CLDN14: variants seen among roughly 807,000 people sequenced by gnomAD.
CLDN14 encodes claudin 14, also known as claudin-14.
CLDN14 carries 2 observed loss-of-function variants against 2.1 expected under a neutral mutation model. That is an observed-to-expected ratio of 0.96 (90% CI 0.39 to 3.01). The LOEUF (loss-of-function observed/expected upper bound fraction) is 3.01. Among genes scored for constraint, CLDN14 ranks in the 30% most tolerant of loss-of-function variants. The pLI, the probability that CLDN14 is intolerant of heterozygous loss-of-function variation, is 0.09. For synonymous variants in CLDN14, 136 were observed against 154.4 expected, an observed-to-expected ratio of 0.88 and a Z score of 0.88; for missense variants, 298 against 328.0, an observed-to-expected ratio of 0.91 and a Z score of 0.71.
At chr21:36,565,688 G>A (rs999446032) in intron 1 of CLDN14, among the ~76,000 whole-genome samples, 3 of 152,164 alleles carry the variant, frequency 2.0e-5, no homozygotes, top group Non-Finnish European at 2.9e-5. Flanking sequence ...CCATGCCCCT[G>A]AGCCTTCAGA....
At chr21:36,501,885 G>A (rs2087094960) in intron 2 of CLDN14, among the ~76,000 whole-genome samples, 1 of 151,902 alleles carries the variant, frequency 6.6e-6, no homozygotes, top group South Asian at 2.1e-4. Flanking sequence ...AGGCCACAAG[G>A]AAACACTGGA....
intron 1 of CLDN14, among the ~76,000 whole-genome samples, chr21:36,523,605 A>T (rs1002646629): frequency 6.6e-6 from 1 of 151,446 alleles, no homozygotes; most frequent in Non-Finnish European, 1.5e-5. Context: ...AAAATTAGCC[A>T]TGCGTGGTGG....
chr21:36,562,060 G>A (rs766488936), intron 1 of CLDN14, among the ~76,000 whole-genome samples: 7 of 151,816 alleles, frequency 4.6e-5, no homozygotes, highest in Non-Finnish European at 8.8e-5. Flanking sequence ...TAAGATCCTT[G>A]GTGCATGAAA....
At chr21:36,525,401 GAAAT>G (rs1490464910) in intron 1 of CLDN14, among the ~76,000 whole-genome samples, 7 of 138,262 alleles carry the variant, frequency 5.1e-5, no homozygotes, top group African/African-American at 1.6e-4. Flanking sequence ...AAAAAAAAAA[GAAAT>G]AAAGACTTGA....
chr21:36,468,148 C>A (rs191638166), intron 1 of CLDN14, among the ~76,000 whole-genome samples: 1 of 152,190 alleles, frequency 6.6e-6, no homozygotes, highest in African/African-American at 2.4e-5. Flanking sequence ...AATGAAGTGC[C>A]ACCTTCAAAT....
chr21:36,570,853 A>T (rs1451850827), intron 1 of CLDN14, among the ~76,000 whole-genome samples: 2 of 152,030 alleles, frequency 1.3e-5, no homozygotes, highest in Non-Finnish European at 2.9e-5. Context: ...CCTTTTTAAA[A>T]TTTTTTGAGA....
upstream of CLDN14, among the ~76,000 whole-genome samples, chr21:36,482,378 A>G: frequency 7.2e-6 from 1 of 138,188 alleles, no homozygotes; most frequent in East Asian, 2.2e-4. Context: ...TGACGGATGG[A>G]TGGATGGATG....
intron 1 of CLDN14, among the ~76,000 whole-genome samples, chr21:36,534,593 C>T (rs938939911): frequency 6.6e-6 from 1 of 152,180 alleles, no homozygotes; most frequent in African/African-American, 2.4e-5. Context: ...GGCTGACAAT[C>T]ACCATGGCAC....
intron 2 of CLDN14, among the ~76,000 whole-genome samples, chr21:36,496,716 A>G: frequency 2.1e-5 from 1 of 47,676 alleles, no homozygotes; most frequent in Non-Finnish European, 4.4e-5. Context: ...GGAGGAGGGG[A>G]GGAAGGGAGG....
intron 2 of CLDN14, among the ~76,000 whole-genome samples, chr21:36,506,411 G>A (rs8127112): frequency 0.83 from 125,435 of 152,016 alleles, 52,602 homozygotes; most frequent in Middle Eastern, 0.93. Context: ...AGCCTGACCA[G>A]CATGGCAAAG....
intron 2 of CLDN14, among the ~76,000 whole-genome samples, chr21:36,502,265 G>A (rs995831293): frequency 2.0e-5 from 3 of 152,210 alleles, no homozygotes; most frequent in South Asian, 2.1e-4. Context: ...GTTAGCAAGA[G>A]GTAGGGTCCA....
chr21:36,487,765 A>C (rs1251384722), intron 2 of CLDN14: 1 of 152,244 alleles, frequency 6.6e-6, no homozygotes, highest in Non-Finnish European at 1.5e-5. Context: ...CCCGGCACCC[A>C]TCATTTAGCT....
rs755393537 is a variant in CLDN14, at chr21:36,461,124, T to C, written c.572A>G (p.Tyr191Cys). The change falls in exon 2 of 2, where the codon TAC (tyrosine) becomes TGC (cysteine). Residue 191 changes from tyrosine (Y) to cysteine (C), a missense_variant. By Grantham distance (194) the Tyr-to-Cys change is radical. Coordinates refer to ENST00000399135, the MANE Select transcript of CLDN14 (RefSeq NM_001146079.2). ...LCLSCQDEAPYRPYQAPPRAT... is the reference protein window; with the variant it reads ...LCLSCQDEAPCRPYQAPPRAT... ...CCTGGGCGGGGCCTGGTAGGGCCTG[T>C]AGGGTGCCTCGTCCTGGCAGGACAG... The C allele has an allele frequency of 1.4e-5, 23 of 1,613,892 alleles. No individual in the cohort carries two copies. Among genetic ancestry groups the C allele is most frequent in the Non-Finnish European group, 1.5e-5 (18 of 1,179,948 alleles).
chr21:36,515,789 CTTT>C lies in CLDN14; in HGVS notation c.-219-5292_-219-5290del, dbSNP rs1555850517. Among the ~76,000 whole-genome samples the C allele has an allele frequency of 4.3e-5, 5 of 115,312 alleles. 1 individual carries two copies. The highest frequency in any genetic ancestry group is 1.1e-4 in the African/African-American group (3 of 28,176). 75.6% of individuals were successfully genotyped at this position (115,312 alleles called of 152,430 possible). A position where few individuals can be genotyped will look rare whatever the true frequency, so the allele number is the denominator to read the frequency against. The stretch of plus-strand genomic sequence containing the variant: ...AAGCTGTGTTTCCCTTTTATCTTCT[CTTT>C]TTTTTTTTTTTTGAGACAGAGTCTC... On this transcript the variant is annotated intron_variant, in intron 1 of 2. Transcript: ENST00000342108.
chr21:36,501,612 A>G (rs2087093119), intron 2 of CLDN14, among the ~76,000 whole-genome samples: 1 of 151,908 alleles, frequency 6.6e-6, no homozygotes, highest in South Asian at 2.1e-4. Context: ...TCTCCTCGCT[A>G]CTGTTTTTCT....
At chr21:36,500,712 G>A (rs939995679) in intron 2 of CLDN14, among the ~76,000 whole-genome samples, 3 of 152,204 alleles carry the variant, frequency 2.0e-5, no homozygotes, top group South Asian at 2.1e-4. Context: ...GATTATAGGC[G>A]CACGTCACCG....
chr21:36,554,989 C>T (rs760999695), intron 1 of CLDN14, among the ~76,000 whole-genome samples: 18 of 152,204 alleles, frequency 1.2e-4, no homozygotes, highest in South Asian at 2.1e-4. Flanking sequence ...CAACACACTG[C>T]AGGGTCCCCT....
At chr21:36,502,418 AG>A (rs149612032) in intron 2 of CLDN14, among the ~76,000 whole-genome samples, 2 of 152,208 alleles carry the variant, frequency 1.3e-5, no homozygotes, top group African/African-American at 4.8e-5. Flanking sequence ...TAGTATGCTT[AG>A]GGGTCAGTCC....
At chr21:36,481,789 T>C (rs1266334111), upstream of CLDN14, among the ~76,000 whole-genome samples, 1 of 152,182 alleles carries the variant, frequency 6.6e-6, no homozygotes, top group Admixed American at 6.5e-5. Context: ...GAGGGCAAAG[T>C]CACAGAAACA....
Sources: gnomAD v4.1 joint callset for allele counts (sites outside exome capture counted in the v4.1 genomes callset) on GRCh38, gnomAD v4.1.1 for gene constraint, MANE v1.5 for transcripts, NCBI Gene and HGNC (gene_info 2026-07-23, HGNC 2026-07-21) for gene names.